The following CTNNBL1 variants were observed in gnomAD, a reference collection of about 807,000 sequenced individuals.
CTNNBL1 encodes the protein beta-catenin-like protein 1.
CTNNBL1 carries 31 observed loss-of-function variants against 72.7 expected under a neutral mutation model. That is an observed-to-expected ratio of 0.43 (90% confidence interval 0.32 to 0.58). The LOEUF is 0.58. CTNNBL1 is among the 20% of genes least tolerant of loss of function. CTNNBL1 has a pLI of 0.08. For missense variants in CTNNBL1, 534 were observed against 725.1 expected, an observed-to-expected ratio of 0.74 and a Z score of 3.03; for synonymous variants, 240 against 267.3, an observed-to-expected ratio of 0.90 and a Z score of 1.00.
At chr20:37,862,536 G>A (rs1361182027) in intron 15 of CTNNBL1, among the ~76,000 whole-genome samples, 1 of 152,142 alleles carries the variant, frequency 6.6e-6, no homozygotes, top group Non-Finnish European at 1.5e-5. Flanking sequence ...CTCGGATCCT[G>A]GTTTATTTCC....
At chr20:37,852,051 A>C (rs2122841293) in intron 13 of CTNNBL1, among the ~76,000 whole-genome samples, 1 of 152,362 alleles carries the variant, frequency 6.6e-6, no homozygotes, top group South Asian at 2.1e-4. Context: ...CCTGCTTTGC[A>C]CAGTAAAAAA....
chr20:37,743,874 A>G (rs2068081730), intron 3 of CTNNBL1, among the ~76,000 whole-genome samples: 1 of 152,130 alleles, frequency 6.6e-6, no homozygotes, highest in Non-Finnish European at 1.5e-5. Flanking sequence ...CATAAAATAT[A>G]TCTTCTTTTA....
chr20:37,860,705 AAACGTCCT>A (rs2072484234), intron 15 of CTNNBL1, among the ~76,000 whole-genome samples: 1 of 152,264 alleles, frequency 6.6e-6, no homozygotes, highest in Admixed American at 6.5e-5. Flanking sequence ...CAAGAAATAC[AAACGTCCT>A]TTCTTATCCA....
chr20:37,858,704 T>A (rs2072464182), intron 13 of CTNNBL1, among the ~76,000 whole-genome samples: 1 of 152,240 alleles, frequency 6.6e-6, no homozygotes, highest in South Asian at 2.1e-4. Context: ...GTGAATTATA[T>A]CTCAGTAAAG....
At chr20:37,752,054 A>C (rs2073324289) in intron 4 of CTNNBL1, among the ~76,000 whole-genome samples, 1 of 152,232 alleles carries the variant, frequency 6.6e-6, no homozygotes, top group Admixed American at 6.5e-5. Flanking sequence ...GGATCTTTTA[A>C]TGTAACTTGA....
At chr20:37,851,578 G>T (rs778963852) in intron 13 of CTNNBL1, among the ~76,000 whole-genome samples, 1 of 152,144 alleles carries the variant, frequency 6.6e-6, no homozygotes, top group Non-Finnish European at 1.5e-5. Flanking sequence ...AACTATGAAA[G>T]TGAACACAGC....
chr20:37,850,960 A>G (rs536121692), intron 13 of CTNNBL1, among the ~76,000 whole-genome samples: 27 of 152,348 alleles, frequency 1.8e-4, no homozygotes, highest in African/African-American at 6.5e-4. Context: ...TGACATCCGC[A>G]TGCTTATTTG....
Position 37,815,988 on chromosome 20 carries a change from GTATT to G in CTNNBL1, c.1213+12943_1213+12946del, listed in dbSNP as rs2072055148. On this transcript the variant is annotated intron_variant, in intron 11 of 15. Transcript: ENST00000361383. The stretch of plus-strand genomic sequence containing the variant: ...GCAGGTTGCTGGGGAAATGCTCTGT[GTATT>G]TAATCATCTTGCAGTCTTACTTGTT... Among the ~76,000 whole-genome samples the G allele has an allele frequency of 3.3e-5, 5 of 152,266 alleles. No individual in the cohort carries two copies. The South Asian group carries it at 1.0e-3, about 32-fold the overall frequency.
chr20:37,812,336 A>G (rs1365320993), intron 11 of CTNNBL1, among the ~76,000 whole-genome samples: 1 of 152,160 alleles, frequency 6.6e-6, no homozygotes, highest in Non-Finnish European at 1.5e-5. Flanking sequence ...TACATATAGG[A>G]TATAAACCTC....
chr20:37,719,568 G>A (rs934893315), intron 1 of CTNNBL1, among the ~76,000 whole-genome samples: 1 of 152,208 alleles, frequency 6.6e-6, no homozygotes, highest in African/African-American at 2.4e-5. Flanking sequence ...TAGCTGCTTA[G>A]TAAGGGTGCC....
At chr20:37,799,516 C>G (rs8114040) in intron 10 of CTNNBL1, among the ~76,000 whole-genome samples, 6 of 152,178 alleles carry the variant, frequency 3.9e-5, no homozygotes, top group African/African-American at 1.4e-4. Flanking sequence ...ATACTCATTC[C>G]TTAGACTCGG....
At chr20:37,859,144 G>T (rs1032501224) in intron 13 of CTNNBL1, among the ~76,000 whole-genome samples, 10 of 152,214 alleles carry the variant, frequency 6.6e-5, no homozygotes, top group Middle Eastern at 6.8e-3. Context: ...GGAGGCCAAG[G>T]TCAGGAGTTC....
At chr20:37,820,813 A>C in intron 11 of CTNNBL1, among the ~76,000 whole-genome samples, 1 of 152,308 alleles carries the variant, frequency 6.6e-6, no homozygotes, top group East Asian at 1.9e-4. Context: ...GCCCAGTCTC[A>C]GGTAGTATCT....
chr20:37,703,053 A>G (rs1224650226), intron 1 of CTNNBL1, among the ~76,000 whole-genome samples: 2 of 152,204 alleles, frequency 1.3e-5, no homozygotes, highest in Non-Finnish European at 2.9e-5. Context: ...TTATTATCAT[A>G]TCTTGCCACT....
chr20:37,808,385 C>T (rs1435078625), intron 11 of CTNNBL1, among the ~76,000 whole-genome samples: 2 of 152,170 alleles, frequency 1.3e-5, no homozygotes, highest in African/African-American at 4.8e-5. Flanking sequence ...GGGAGCTTAG[C>T]CAACACAGAC....
At chr20:37,857,923 G>A (rs939647781) in intron 13 of CTNNBL1, among the ~76,000 whole-genome samples, 4 of 152,190 alleles carry the variant, frequency 2.6e-5, no homozygotes, top group East Asian at 1.9e-4. Flanking sequence ...GGATGCAATC[G>A]TTCACACCTG....
intron 9 of CTNNBL1, among the ~76,000 whole-genome samples, chr20:37,778,235 G>A (rs1185839507): frequency 6.6e-6 from 1 of 152,148 alleles, no homozygotes; most frequent in African/African-American, 2.4e-5. Flanking sequence ...TGTAAATCCA[G>A]TTGAAATGTT....
At chr20:37,749,044 T>TC (rs980251162) in intron 4 of CTNNBL1, among the ~76,000 whole-genome samples, 2 of 152,190 alleles carry the variant, frequency 1.3e-5, no homozygotes, top group African/African-American at 4.8e-5. Context: ...AGGACTTAGC[T>TC]CAGTACCTTG....
At chr20:37,766,947 C>T (rs1391800882) in intron 6 of CTNNBL1, among the ~76,000 whole-genome samples, 3 of 152,176 alleles carry the variant, frequency 2.0e-5, no homozygotes, top group African/African-American at 7.2e-5. Flanking sequence ...TTCAGGGTGT[C>T]GTAGTGCTCT....
Sources: gnomAD v4.1 joint callset for allele counts (sites outside exome capture counted in the v4.1 genomes callset) on GRCh38, gnomAD v4.1.1 for gene constraint, MANE v1.5 for transcripts, NCBI Gene and HGNC (gene_info 2026-07-23, HGNC 2026-07-21) for gene names.